Variants in CSGALNACT1 observed in about 807,000 individuals in gnomAD.
CSGALNACT1 encodes the protein beta4GalNAcT-1.
CSGALNACT1 carries 52 observed loss-of-function variants against 51.0 expected under a neutral mutation model. The ratio of observed to expected loss-of-function variants is 1.02; its 90% CI spans 0.82 to 1.29. CSGALNACT1 has a LOEUF of 1.29. Ranked by LOEUF, CSGALNACT1 falls within the 50% of genes most tolerant of loss-of-function variation. The pLI is 0.00. For missense variants in CSGALNACT1, 935 were observed against 679.2 expected, an observed-to-expected ratio of 1.38 and a Z score of -4.19; for synonymous variants, 341 against 254.4, an observed-to-expected ratio of 1.34 and a Z score of -3.24.
rs1008046743 is a variant in CSGALNACT1 at position 19,406,159 on chromosome 8, A to G, written c.1310-90T>C. The G allele has an allele frequency of 4.1e-6, 6 of 1,451,572 alleles. No homozygotes were observed. The East Asian group carries it at 1.4e-4, about 33-fold the overall frequency. The allele number at this position is 1,451,572 out of a possible 1,614,324, so 89.9% of individuals were successfully genotyped here. A position where few individuals can be genotyped will look rare whatever the true frequency, so the allele number is the denominator to read the frequency against. ...ACAAGCACAAACTTTTCATTAAGACATGACTGGGGGGGATGCGTGCTTCAC... is the reference window on the plus strand; with the variant it reads ...ACAAGCACAAACTTTTCATTAAGACGTGACTGGGGGGGATGCGTGCTTCAC... On this transcript the variant is annotated intron_variant, in intron 9 of 9. Coordinates refer to ENST00000454498, the Ensembl canonical transcript of CSGALNACT1.
chr8:19,516,448 T>G (rs1299325973), intron 3 of CSGALNACT1, among the ~76,000 whole-genome samples: 1 of 152,132 alleles, frequency 6.6e-6, no homozygotes, highest in East Asian at 1.9e-4. Flanking sequence ...TTCTTGTTTC[T>G]GAACTCATAA....
chr8:19,439,759 T>G lies in CSGALNACT1; in HGVS notation c.953+71A>C, dbSNP rs540702768. The G allele has an allele frequency of 2.6e-6, 3 of 1,161,174 alleles. No homozygotes were observed. In the East Asian group the frequency reaches 7.1e-5, roughly 28 times the overall value. The allele number at this position is 1,161,174 out of a possible 1,614,324, so 71.9% of individuals were successfully genotyped here. A position where few individuals can be genotyped will look rare whatever the true frequency, so the allele number is the denominator to read the frequency against. ...AAAGGAAAATAAAATTAAGCAGAAGTTTCAGCCTTGGATGTGTGCTTCTGA... is the reference window on the plus strand; with the variant it reads ...AAAGGAAAATAAAATTAAGCAGAAGGTTCAGCCTTGGATGTGTGCTTCTGA... On this transcript the variant is annotated intron_variant, in intron 6 of 9. Transcript: ENST00000454498.
Position 19,472,819 on chromosome 8 carries a change from TACTC to T in CSGALNACT1, c.635-14181_635-14178del, listed in dbSNP as rs1392307929. ...ATCTTTGAAGAGTAAGATAATATAATACTCATTCATTGATATCAATTTCTTTATA... is the reference window on the plus strand; with the variant it reads ...ATCTTTGAAGAGTAAGATAATATAATATTCATTGATATCAATTTCTTTATA... On this transcript the variant is annotated intron_variant, in intron 4 of 9. Transcript: ENST00000454498. Among the ~76,000 whole-genome samples the T allele has an allele frequency of 2.0e-4, 31 of 152,360 alleles. 1 individual carries two copies. Among genetic ancestry groups the T allele is most frequent in the African/African-American group, 7.2e-4 (30 of 41,590 alleles).
exon 4 of CSGALNACT1, chr8:19,505,505 C>T (rs759664483): frequency 3.7e-6 from 6 of 1,614,076 alleles, no homozygotes; most frequent in African/African-American, 1.3e-5. Context: ...CTGGGGGGCT[C>T]CTGTCCAGAC....
intron 1 of CSGALNACT1, among the ~76,000 whole-genome samples, chr8:19,628,615 G>C (rs573565696): frequency 1.3e-5 from 2 of 152,180 alleles, no homozygotes; most frequent in Admixed American, 6.5e-5. Flanking sequence ...TCAAACCCAA[G>C]GAGTCCAATT....
chr8:19,468,588 T>A (rs2153837402), intron 4 of CSGALNACT1, among the ~76,000 whole-genome samples: 1 of 152,136 alleles, frequency 6.6e-6, no homozygotes, highest in South Asian at 2.1e-4. Context: ...CCACGATGGT[T>A]TAGCAGGAAA....
intron 4 of CSGALNACT1, among the ~76,000 whole-genome samples, chr8:19,491,304 T>C (rs972898617): frequency 3.3e-5 from 5 of 152,242 alleles, no homozygotes; most frequent in African/African-American, 9.6e-5. Flanking sequence ...AGACAACTAA[T>C]TGCTTCTCAT....
At chr8:19,622,069 G>A (rs1219165998) in intron 1 of CSGALNACT1, among the ~76,000 whole-genome samples, 1 of 152,144 alleles carries the variant, frequency 6.6e-6, no homozygotes, top group Non-Finnish European at 1.5e-5. Context: ...GCTACAAAAT[G>A]GCCACTGGTT....
chr8:19,614,275 G>A (rs1053512946), intron 1 of CSGALNACT1, among the ~76,000 whole-genome samples: 3 of 152,048 alleles, frequency 2.0e-5, no homozygotes, highest in African/African-American at 4.8e-5. Flanking sequence ...ACTGAGACTC[G>A]AAAGGCTAAA....
chr8:19,690,502 C>G (rs539244180), intron 1 of CSGALNACT1, among the ~76,000 whole-genome samples: 1 of 152,204 alleles, frequency 6.6e-6, no homozygotes, highest in Non-Finnish European at 1.5e-5. Flanking sequence ...TTTCTCCTAA[C>G]TCAGAGTTTG....
At chr8:19,542,441 G>A (rs1223719635) in intron 3 of CSGALNACT1, among the ~76,000 whole-genome samples, 1 of 152,144 alleles carries the variant, frequency 6.6e-6, no homozygotes, top group Admixed American at 6.6e-5. Context: ...CCATAGTGGG[G>A]TTCCATGTGA....
chr8:19,617,488 T>A (rs562172415), intron 1 of CSGALNACT1, among the ~76,000 whole-genome samples: 2 of 152,248 alleles, frequency 1.3e-5, no homozygotes, highest in Non-Finnish European at 2.9e-5. Flanking sequence ...CTTTTCTTTA[T>A]TCTATGCTCT....
At position 19,741,999 on chromosome 8, in the gene CSGALNACT1, G is replaced by A. The variant is rs186764795; in HGVS notation, c.-297+15851C>T. Among the ~76,000 whole-genome samples, 119 of 152,282 alleles carry A rather than the reference G, an allele frequency of 7.8e-4. 1 individual carries two copies. The highest frequency in any genetic ancestry group is 2.8e-3 in the African/African-American group (117 of 41,554). ...TGCGTAACCTTGAGCAAGACATTAAGCCCCTTTGGGCCTCAGTTTCCTCAC... is the reference window on the plus strand; with the variant it reads ...TGCGTAACCTTGAGCAAGACATTAAACCCCTTTGGGCCTCAGTTTCCTCAC... On this transcript the variant is annotated intron_variant, in intron 1 of 1. Coordinates refer to the CSGALNACT1 transcript ENST00000517494.
intron 4 of CSGALNACT1, among the ~76,000 whole-genome samples, chr8:19,465,107 C>A (rs185113963): frequency 1.3e-5 from 2 of 152,182 alleles, no homozygotes; most frequent in Non-Finnish European, 2.9e-5. Context: ...CCCCCATCAA[C>A]AGATAAATGG....
rs866168541 is a variant in CSGALNACT1 at position 19,757,488 on chromosome 8, C to T, written c.-297+362G>A. On this transcript the variant is annotated intron_variant, in intron 1 of 1. Transcript: ENST00000517494. The surrounding 1 kb of genome is among the most constrained non-coding windows in gnomAD (Gnocchi z 4.0). Reference sequence around the variant, plus strand: ...ACGGCCTCTCTGCAGTGCGTCCCTGCGCCCGTCGGAGCGGCGCCCTGGCCG... The same window carrying T: ...ACGGCCTCTCTGCAGTGCGTCCCTGTGCCCGTCGGAGCGGCGCCCTGGCCG... 6.6e-6 allele frequency among the ~76,000 whole-genome samples: 1 copy of T among 152,086 alleles called. No homozygotes were observed. The highest frequency in any genetic ancestry group is 2.4e-5 in the African/African-American group (1 of 41,444).
At chr8:19,639,147 T>C (rs2056448819) in intron 1 of CSGALNACT1, among the ~76,000 whole-genome samples, 1 of 152,182 alleles carries the variant, frequency 6.6e-6, no homozygotes, top group Non-Finnish European at 1.5e-5. Context: ...AGGCCTGTTA[T>C]CCTGTAATGA....
intron 1 of CSGALNACT1, among the ~76,000 whole-genome samples, chr8:19,708,748 G>C (rs1036991505): frequency 4.6e-5 from 7 of 152,282 alleles, no homozygotes; most frequent in Non-Finnish European, 7.3e-5. Flanking sequence ...CCCCGGGACT[G>C]TTTAAACCAA....
intron 6 of CSGALNACT1, among the ~76,000 whole-genome samples, chr8:19,436,815 T>G (rs1378265304): frequency 2.6e-5 from 4 of 152,204 alleles, no homozygotes; most frequent in African/African-American, 9.6e-5. Context: ...GGAGGCTAAG[T>G]TGGGAAGACC....
At chr8:19,599,407 G>GGAAA (rs139482084) in intron 2 of CSGALNACT1, among the ~76,000 whole-genome samples, 1 of 133,374 alleles carries the variant, frequency 7.5e-6, no homozygotes, top group African/African-American at 2.8e-5. Context: ...CAAGGAAAAA[G>GGAAA]GAAAGAAAGG....
Sources: allele counts gnomAD v4.1 joint callset (sites outside exome capture counted in the v4.1 genomes callset), GRCh38; gene constraint gnomAD v4.1.1; non-coding constraint Gnocchi (gnomAD v3.1); transcripts MANE v1.5; gene names NCBI Gene and HGNC (gene_info 2026-07-23, HGNC 2026-07-21).